ALPK1: variants seen among roughly 807,000 people sequenced by gnomAD.
The protein encoded by ALPK1 is alpha kinase 1, also known as alpha-protein kinase 1.
In ALPK1, 110 loss-of-function variants were observed where a neutral mutation model predicts 120.6. The ratio of observed to expected loss-of-function variants is 0.91; its 90% CI spans 0.78 to 1.07. The LOEUF (loss-of-function observed/expected upper bound fraction) is 1.07. Among genes scored for constraint, ALPK1 ranks in the 50% least tolerant of loss-of-function variants. The pLI, the probability that ALPK1 is intolerant of heterozygous loss-of-function variation, is 0.00. For synonymous variants in ALPK1, 582 were observed against 560.3 expected, an observed-to-expected ratio of 1.04 and a Z score of -0.55; for missense variants, 1,498 against 1,483.9, an observed-to-expected ratio of 1.01 and a Z score of -0.16.
At chr4:112,380,814 G>T (rs1257442165) in intron 3 of ALPK1, among the ~76,000 whole-genome samples, 1 of 152,222 alleles carries the variant, frequency 6.6e-6, no homozygotes, top group Non-Finnish European at 1.5e-5. Flanking sequence ...CATGATGCTT[G>T]TCTTCAGGGA....
At chr4:112,356,688 T>C in intron 2 of ALPK1, 1 of 974,256 alleles carries the variant, frequency 1.0e-6, no homozygotes, top group Admixed American at 1.7e-5. Context: ...GAGCAGGAGC[T>C]GGCCAGCCCC....
chr4:112,358,466 G>C (rs118054581), intron 2 of ALPK1: 1 of 663,300 alleles, frequency 1.5e-6, no homozygotes, highest in East Asian at 2.5e-5. Flanking sequence ...TAAGAGTCTC[G>C]ACCTGCACGT....
chr4:112,342,446 C>T (rs2148706663), intron 2 of ALPK1, among the ~76,000 whole-genome samples: 1 of 152,216 alleles, frequency 6.6e-6, no homozygotes, highest in East Asian at 1.9e-4. Flanking sequence ...TGATAGTCTA[C>T]TTTATAATTT....
At chr4:112,369,338 A>G (rs1290262424) in intron 2 of ALPK1, among the ~76,000 whole-genome samples, 1 of 152,128 alleles carries the variant, frequency 6.6e-6, no homozygotes, top group Non-Finnish European at 1.5e-5. Context: ...TCTACTGCCA[A>G]TCAGTGCAAG....
At position 112,439,802 on chromosome 4, in the gene ALPK1, ATATGGCTTGGCC is replaced by A; in HGVS notation, c.3475_3486del (p.Leu1159_Gly1162del). 1 of 1,613,306 alleles carries A rather than the reference ATATGGCTTGGCC, an allele frequency of 6.2e-7. No homozygotes were observed. The highest frequency in any genetic ancestry group is 8.5e-7 in the Non-Finnish European group (1 of 1,179,708). On this transcript the variant is annotated inframe_deletion, in exon 14 of 16. Coordinates refer to ENST00000650871, the MANE Select transcript of ALPK1 (RefSeq NM_025144.4). ...TGAAAACAGAATACAAAGCCACAGAATATGGCTTGGCCTATGGCCATTTTTCTTATGAGTTTT... is the reference window on the plus strand; with the variant it reads ...TGAAAACAGAATACAAAGCCACAGAATATGGCCATTTTTCTTATGAGTTTT...
chr4:112,357,932 A>T, intron 2 of ALPK1: 2 of 880,690 alleles, frequency 2.3e-6, no homozygotes, highest in Non-Finnish European at 3.8e-6. Context: ...ATGGGTGCTT[A>T]CTAAGCAAGG....
In ALPK1 at chr4:112,429,144, C is replaced by A; in HGVS notation, c.796-5C>A. On this transcript the variant is annotated splice_region_variant and splice_polypyrimidine_tract_variant and intron_variant, in intron 9 of 15. Coordinates refer to ENST00000650871, the MANE Select transcript of ALPK1 (RefSeq NM_025144.4). ...CATTCCACTTAGCCTCCTGTTTTCTCACAGAGCCTGCTGAAGGAGTTTGAC... is the reference window on the plus strand; with the variant it reads ...CATTCCACTTAGCCTCCTGTTTTCTAACAGAGCCTGCTGAAGGAGTTTGAC... 1 of 1,612,784 alleles carries A rather than the reference C, an allele frequency of 6.2e-7. No individual in the cohort carries two copies. Among genetic ancestry groups the A allele is most frequent in the South Asian group, 1.1e-5 (1 of 91,056 alleles).
At chr4:112,339,521 A>C (rs1729767019) in intron 2 of ALPK1, among the ~76,000 whole-genome samples, 1 of 152,244 alleles carries the variant, frequency 6.6e-6, no homozygotes, top group Admixed American at 6.5e-5. Context: ...AGTCTTCTTT[A>C]TAACACTTTT....
In ALPK1 at chr4:112,430,911, T is replaced by C; in HGVS notation, c.1364T>C (p.Ile455Thr). 3 of 1,614,180 alleles carry C rather than the reference T, an allele frequency of 1.9e-6. No homozygotes were observed. The highest frequency in any genetic ancestry group is 2.5e-6 in the Non-Finnish European group (3 of 1,180,008). ...ILHGQGDFQK[I>T]LDTYSQHHTS... ...CATGGGCAAGGGGATTTCCAAAAAA[T>C]CCTTGACACCTATTCACAGCACCAT... Residue 455 changes from isoleucine (I) to threonine (T), a missense_variant, in exon 11 of 16, where the codon ATC becomes ACC. Physicochemically the swap from Ile to Thr is moderately conservative, Grantham distance 89. Transcript: ENST00000650871.
At chr4:112,356,891 G>T in intron 2 of ALPK1, 1 of 748,712 alleles carries the variant, frequency 1.3e-6, no homozygotes, top group Non-Finnish European at 2.5e-6. Context: ...AACTCACAAG[G>T]TGAAGAAGAC....
chr4:112,381,300 G>T (rs1420376929), intron 3 of ALPK1, among the ~76,000 whole-genome samples: 1 of 152,160 alleles, frequency 6.6e-6, no homozygotes, highest in Non-Finnish European at 1.5e-5. Context: ...CAGATTCGGG[G>T]AACTTAGTAA....
At chr4:112,340,001 G>A (rs1211662088) in intron 2 of ALPK1, among the ~76,000 whole-genome samples, 1 of 152,236 alleles carries the variant, frequency 6.6e-6, no homozygotes, top group Admixed American at 6.5e-5. Flanking sequence ...CCAGCTTTCA[G>A]AATGGTAACT....
chr4:112,324,069 T>C (rs1320647297), intron 2 of ALPK1, among the ~76,000 whole-genome samples: 1 of 152,112 alleles, frequency 6.6e-6, no homozygotes, highest in Admixed American at 6.5e-5. Flanking sequence ...GGCTCATGCC[T>C]GTAATCCCAG....
chr4:112,343,021 C>G (rs1017118687), intron 2 of ALPK1: 2 of 152,690 alleles, frequency 1.3e-5, no homozygotes, highest in East Asian at 3.8e-4. Context: ...GCTCCCCAGT[C>G]CTGGTCTCCT....
intron 4 of ALPK1, among the ~76,000 whole-genome samples, chr4:112,399,659 C>T (rs959396178): frequency 6.6e-6 from 1 of 152,062 alleles, no homozygotes; most frequent in Admixed American, 6.5e-5. Context: ...TATACATGTG[C>T]CATGGTGGTT....
At chr4:112,307,948 G>A (rs1235880711) in intron 1 of ALPK1, among the ~76,000 whole-genome samples, 1 of 152,042 alleles carries the variant, frequency 6.6e-6, no homozygotes, top group Non-Finnish European at 1.5e-5. Flanking sequence ...GCCTGGTGGT[G>A]ACAAAATCTC....
chr4:112,374,712 T>C (rs1266242612), intron 2 of ALPK1, among the ~76,000 whole-genome samples: 3 of 152,240 alleles, frequency 2.0e-5, no homozygotes, highest in African/African-American at 7.2e-5. Flanking sequence ...ATGAATGTTA[T>C]ATCAGCAGGC....
rs890661676 is a variant in ALPK1, at chr4:112,425,754, A to G, written c.622+3A>G. Reference sequence around the variant, plus strand: ...AGGGCAGATTCTGCAAAAGCTGGGTACAATCATGTAAAACTTGCATTTCTC... The same window carrying G: ...AGGGCAGATTCTGCAAAAGCTGGGTGCAATCATGTAAAACTTGCATTTCTC... On this transcript the variant is annotated splice_donor_region_variant and intron_variant, in intron 7 of 15. Transcript: ENST00000650871. 3.1e-6 allele frequency: 5 copies of G among 1,608,970 alleles called. No individual in the cohort carries two copies. The highest frequency in any genetic ancestry group is 4.2e-6 in the Non-Finnish European group (5 of 1,176,474).
At chr4:112,408,561 C>A (rs550945483) in intron 4 of ALPK1, among the ~76,000 whole-genome samples, 1 of 151,864 alleles carries the variant, frequency 6.6e-6, no homozygotes, top group Non-Finnish European at 1.5e-5. Flanking sequence ...ACCTCTGCCT[C>A]CTCCTGGGTT....
Sources: allele counts gnomAD v4.1 joint callset (sites outside exome capture counted in the v4.1 genomes callset), GRCh38; gene constraint gnomAD v4.1.1; transcripts MANE v1.5; gene names NCBI Gene and HGNC (gene_info 2026-07-23, HGNC 2026-07-21).